CNTN3: variants seen among roughly 807,000 people sequenced by gnomAD.
CNTN3 encodes contactin-3.
Under a neutral mutation model 119.1 loss-of-function variants are expected in CNTN3, and 60 were observed. The ratio of observed to expected loss-of-function variants is 0.50; its 90% CI spans 0.41 to 0.62. The LOEUF (loss-of-function observed/expected upper bound fraction) is 0.62, where lower values mean the gene tolerates loss of function less well. Ranked by LOEUF, CNTN3 falls within the 20% of genes least tolerant of loss-of-function variation. CNTN3 has a pLI of 0.00. For missense variants in CNTN3, 1,101 were observed against 1,242.4 expected, an observed-to-expected ratio of 0.89 and a Z score of 1.71; for synonymous variants, 450 against 438.7, an observed-to-expected ratio of 1.03 and a Z score of -0.32.
intron 1 of CNTN3, among the ~76,000 whole-genome samples, chr3:74,550,534 T>G (rs7433101): frequency 0.13 from 19,249 of 152,084 alleles, 1,529 homozygotes; most frequent in Non-Finnish European, 0.17. Flanking sequence ...GTTGTTGTTG[T>G]TGGTGTTATT....
At chr3:74,587,902 G>T (rs1398370658) in intron 1 of CNTN3, among the ~76,000 whole-genome samples, 1 of 152,102 alleles carries the variant, frequency 6.6e-6, no homozygotes, top group Non-Finnish European at 1.5e-5. Context: ...TCCAGCTTTT[G>T]CCCATTCAGT....
rs983285967 is a variant in CNTN3, at chr3:74,463,143, T to G, written c.358+23313A>C. On this transcript the variant is annotated intron_variant, in intron 4 of 22. Coordinates refer to ENST00000263665, the MANE Select transcript of CNTN3 (RefSeq NM_020872.3). ...CTCAGTAATCTAATCGTTGGTTCAA[T>G]GAAGATCTGTAACAACACTGAGCCA... Among the ~76,000 whole-genome samples the G allele has an allele frequency of 4.6e-5, 7 of 152,298 alleles. No individual in the cohort carries two copies. The East Asian group carries it at 1.4e-3, about 29-fold the overall frequency.
At chr3:74,596,240 T>C (rs1461020420) in intron 1 of CNTN3, among the ~76,000 whole-genome samples, 1 of 147,130 alleles carries the variant, frequency 6.8e-6, no homozygotes, top group South Asian at 2.1e-4. Flanking sequence ...AGAATCAATA[T>C]CGTGAAAGTG....
intron 4 of CNTN3, among the ~76,000 whole-genome samples, chr3:74,480,376 T>C (rs1702741308): frequency 6.6e-6 from 1 of 152,128 alleles, no homozygotes; most frequent in Admixed American, 6.6e-5. Flanking sequence ...TGGCTTAAAA[T>C]TTATGGATTT....
intron 4 of CNTN3, among the ~76,000 whole-genome samples, chr3:74,483,741 T>C (rs1323998211): frequency 6.6e-6 from 1 of 152,076 alleles, no homozygotes; most frequent in East Asian, 1.9e-4. Context: ...ATAAAGTCCT[T>C]AGTCACTGAC....
chr3:74,268,877 T>C (rs1575687247), intron 20 of CNTN3, among the ~76,000 whole-genome samples: 1 of 152,132 alleles, frequency 6.6e-6, no homozygotes, highest in South Asian at 2.1e-4. Context: ...AAGGTGTGTG[T>C]TTGGAGGTTA....
rs149136795 is a variant in CNTN3, at chr3:74,582,188, C to T, written c.-81+32203G>A. On this transcript the variant is annotated intron_variant, in intron 1 of 22. Transcript: ENST00000263665. ...TTGGGAGGCAGAGGTGGATGGATCA[C>T]AAGGTCAGGAGATGGGGAACATCCT... is the stretch of plus-strand genomic sequence containing the variant. Among the ~76,000 whole-genome samples the T allele has an allele frequency of 7.7e-4, 117 of 152,200 alleles. 1 individual carries two copies. In the East Asian group the frequency reaches 0.021, roughly 28 times the overall value.
chr3:74,473,073 TA>T (rs1487803678), intron 4 of CNTN3, among the ~76,000 whole-genome samples: 2 of 150,686 alleles, frequency 1.3e-5, no homozygotes, highest in Admixed American at 6.6e-5. Flanking sequence ...ATTAAAAAAT[TA>T]AAAAAATATA....
intron 13 of CNTN3, among the ~76,000 whole-genome samples, chr3:74,304,011 G>T (rs544638029): frequency 1.3e-5 from 2 of 152,246 alleles, no homozygotes; most frequent in Admixed American, 6.5e-5. Context: ...AAAAGTTTTA[G>T]TCTTGAATTT....
chr3:74,325,350 C>T (rs1218044460), intron 13 of CNTN3, among the ~76,000 whole-genome samples: 1 of 152,082 alleles, frequency 6.6e-6, no homozygotes, highest in Non-Finnish European at 1.5e-5. Context: ...GTATCAACTC[C>T]CAATTTTCTT....
intron 3 of CNTN3, among the ~76,000 whole-genome samples, chr3:74,495,976 A>G (rs1244644803): frequency 6.6e-6 from 1 of 152,092 alleles, no homozygotes; most frequent in Admixed American, 6.6e-5. Context: ...GACCTGAAAC[A>G]TTCTGCAAGC....
At chr3:74,548,231 G>A (rs898832649) in intron 1 of CNTN3, among the ~76,000 whole-genome samples, 5 of 152,084 alleles carry the variant, frequency 3.3e-5, no homozygotes, top group African/African-American at 1.2e-4. Context: ...TTGGTTACAT[G>A]ATGTCTCTCT....
chr3:74,516,206 G>GAAACTAAA (rs1559642106), intron 2 of CNTN3, among the ~76,000 whole-genome samples: 1 of 143,868 alleles, frequency 7.0e-6, no homozygotes, highest in African/African-American at 2.9e-5. Flanking sequence ...AACATGGGCA[G>GAAACTAAA]GCCTGGAATG....
At chr3:74,355,448 T>TTTTTGTTTTG (rs71625969) in intron 11 of CNTN3, among the ~76,000 whole-genome samples, 11 of 150,696 alleles carry the variant, frequency 7.3e-5, no homozygotes, top group East Asian at 5.9e-4. Context: ...GGTACCAGTG[T>TTTTTGTTTTG]TTTTGTTTTG....
At chr3:74,283,406 G>T (rs1012236260) in intron 20 of CNTN3, among the ~76,000 whole-genome samples, 8 of 152,142 alleles carry the variant, frequency 5.3e-5, no homozygotes, top group Non-Finnish European at 4.4e-5. Flanking sequence ...ACTGTTTTGT[G>T]CAAATTTCTA....
intron 18 of CNTN3, 106 bp from the exon 19 acceptor site, chr3:74,295,342 T>C (rs1702317186): frequency 3.2e-6 from 2 of 628,062 alleles, no homozygotes; most frequent in Non-Finnish European, 5.6e-6. Context: ...ATTTGAAAAT[T>C]GTATGAAATA....
intron 4 of CNTN3, among the ~76,000 whole-genome samples, chr3:74,470,056 T>C (rs1702532007): frequency 6.6e-6 from 1 of 152,134 alleles, no homozygotes; most frequent in African/African-American, 2.4e-5. Flanking sequence ...CATGCTACTA[T>C]ATGAAGAACC....
intron 13 of CNTN3, among the ~76,000 whole-genome samples, chr3:74,333,066 G>A (rs1487491278): frequency 1.3e-5 from 2 of 152,182 alleles, no homozygotes; most frequent in Non-Finnish European, 2.9e-5. Context: ...AATAGTAAAA[G>A]TAAAGCTAAA....
intron 4 of CNTN3, among the ~76,000 whole-genome samples, chr3:74,471,724 T>C (rs1238172641): frequency 2.0e-5 from 3 of 152,208 alleles, no homozygotes; most frequent in Admixed American, 2.0e-4. Flanking sequence ...TTCTGGGCTC[T>C]TTTTCACTTC....
Sources: gnomAD v4.1 joint callset for allele counts (sites outside exome capture counted in the v4.1 genomes callset) on GRCh38, gnomAD v4.1.1 for gene constraint, MANE v1.5 for transcripts, NCBI Gene and HGNC (gene_info 2026-07-23, HGNC 2026-07-21) for gene names.